DENND5A: variants seen among roughly 807,000 people sequenced by gnomAD.
DENND5A encodes DENN domain containing 5A.
Under a neutral mutation model 140.3 loss-of-function variants are expected in DENND5A, and 64 were observed. The ratio of observed to expected loss-of-function variants is 0.46; its 90% CI spans 0.37 to 0.56. The LOEUF is 0.56. Among genes scored for constraint, DENND5A ranks in the 20% least tolerant of loss-of-function variants. The pLI is 0.00. For synonymous variants in DENND5A, 605 were observed against 607.7 expected, an observed-to-expected ratio of 1.00 and a Z score of 0.07; for missense variants, 1,292 against 1,593.8, an observed-to-expected ratio of 0.81 and a Z score of 3.22.
Position 9,152,393 on chromosome 11 carries a change from T to C in DENND5A, c.2486A>G (p.Gln829Arg). 1 of 1,614,002 alleles carries C rather than the reference T, an allele frequency of 6.2e-7. No homozygotes were observed. The highest frequency in any genetic ancestry group is 1.7e-5 in the Admixed American group (1 of 60,022). Residue 829 changes from glutamine (Q) to arginine (R), a missense_variant, in exon 13 of 23, where the codon CAG becomes CGG. By Grantham distance (43) the Gln-to-Arg change is conservative. Around this residue, in one of 4 missense-constraint regions of DENND5A, gnomAD observed 498 missense variants for 689.7 expected, o/e 0.72. Transcript: ENST00000328194. ...SHLLHYQDNR[Q>R]RKLTSGSLST... is the part of the protein sequence containing the mutation. ...GAGGCTTCCTGATGTGAGTTTTCTC[T>C]GCCGGTTGTCCTGATAATGTAACAG...
At chr11:9,213,132 T>A (rs1351089777) in intron 1 of DENND5A, among the ~76,000 whole-genome samples, 1 of 151,590 alleles carries the variant, frequency 6.6e-6, no homozygotes, top group Non-Finnish European at 1.5e-5. Flanking sequence ...GCCTCCCGAG[T>A]AGCTGGGATT....
At chr11:9,212,862 G>A (rs1019757876) in intron 1 of DENND5A, among the ~76,000 whole-genome samples, 1 of 152,118 alleles carries the variant, frequency 6.6e-6, no homozygotes, top group Non-Finnish European at 1.5e-5. Flanking sequence ...ACAAAGAATG[G>A]TGGGGAAGGG....
chr11:9,252,153 C>T (rs1314115417), intron 1 of DENND5A, among the ~76,000 whole-genome samples: 2 of 147,938 alleles, frequency 1.4e-5, no homozygotes, highest in Non-Finnish European at 3.0e-5. Flanking sequence ...CAAAAATTAG[C>T]TGGGCATGGT....
chr11:9,139,745 T>A lies in DENND5A; in HGVS notation c.3790A>T (p.Ile1264Phe), dbSNP rs1447688366. ...IKDHTLVNSL[I>F]RVLQTLQEFN... ...TCCTGCAATGTCTGCAGCACACGAA[T>A]CAAGGAATTGACAAGTGTATGGTCT... Residue 1264 changes from isoleucine to phenylalanine, a missense_variant, in exon 23 of 23, where the codon ATT (isoleucine) becomes TTT (phenylalanine). Physicochemically the swap from Ile to Phe is conservative, Grantham distance 21. Coordinates refer to ENST00000328194, the MANE Select transcript of DENND5A (RefSeq NM_015213.4). 1 of 1,614,070 alleles carries A rather than the reference T, an allele frequency of 6.2e-7. No individual in the cohort carries two copies. The highest frequency in any genetic ancestry group is 1.7e-5 in the Admixed American group (1 of 60,008).
chr11:9,212,810 A>G (rs1472271379), intron 1 of DENND5A, among the ~76,000 whole-genome samples: 1 of 152,148 alleles, frequency 6.6e-6, no homozygotes, highest in East Asian at 1.9e-4. Context: ...GTATTGTGTG[A>G]TTCCATTTAT....
chr11:9,140,738 T>G (rs192794902), intron 22 of DENND5A, among the ~76,000 whole-genome samples: 16 of 152,332 alleles, frequency 1.1e-4, no homozygotes, highest in Middle Eastern at 3.4e-3. Flanking sequence ...CTGATCTTTC[T>G]CCTCTACCTT....
chr11:9,159,906 C>T (rs1181814205), intron 12 of DENND5A, among the ~76,000 whole-genome samples: 2 of 152,144 alleles, frequency 1.3e-5, no homozygotes, highest in Non-Finnish European at 2.9e-5. Context: ...CAGCTATATA[C>T]GCATGGGCAT....
rs1018857150 is a variant in DENND5A at position 9,193,368 on chromosome 11, G to T, written c.1137+126C>A. 5.9e-6 allele frequency: 4 copies of T among 677,452 alleles called. 1 individual carries two copies. Among genetic ancestry groups the T allele is most frequent in the Non-Finnish European group, 2.3e-6 (1 of 443,176 alleles). The allele number at this position is 677,452 out of a possible 1,614,324, so 42.0% of individuals were successfully genotyped here. ...ATTGTTTTTACTTTTTTCCTGAGAA[G>T]TTATTCATAATCACCAAAATAGAAG... On this transcript the variant is annotated intron_variant, in intron 5 of 22. Transcript: ENST00000328194.
chr11:9,185,194 T>TA (rs1484407893), intron 5 of DENND5A, among the ~76,000 whole-genome samples: 15 of 152,032 alleles, frequency 9.9e-5, no homozygotes, highest in South Asian at 2.1e-4. Context: ...CTGGACCAAT[T>TA]AAAAAAAACC....
intron 3 of DENND5A, among the ~76,000 whole-genome samples, chr11:9,205,261 T>G (rs774224846): frequency 6.6e-6 from 1 of 152,198 alleles, no homozygotes; most frequent in Non-Finnish European, 1.5e-5. Context: ...GAAACTTGGA[T>G]AGTTAAACGA....
At chr11:9,182,736 G>A (rs943665298) in intron 5 of DENND5A, among the ~76,000 whole-genome samples, 1 of 152,162 alleles carries the variant, frequency 6.6e-6, no homozygotes, top group African/African-American at 2.4e-5. Flanking sequence ...GAGAATAGAA[G>A]AGTGGTTACC....
chr11:9,195,979 G>C (rs552700376), intron 4 of DENND5A, among the ~76,000 whole-genome samples: 60 of 152,086 alleles, frequency 3.9e-4, no homozygotes, highest in African/African-American at 1.4e-3. Flanking sequence ...TTGAGACAAA[G>C]TCTCGCTCTG....
intron 1 of DENND5A, among the ~76,000 whole-genome samples, chr11:9,227,230 A>G (rs900205731): frequency 3.3e-5 from 5 of 152,070 alleles, no homozygotes; most frequent in African/African-American, 7.2e-5. Flanking sequence ...GCACAGAGTG[A>G]TATTTTCTCC....
chr11:9,217,200 A>C (rs1303255361), intron 1 of DENND5A, among the ~76,000 whole-genome samples: 2 of 152,178 alleles, frequency 1.3e-5, no homozygotes, highest in Non-Finnish European at 2.9e-5. Flanking sequence ...TTAAGATCAC[A>C]TACTGTATCA....
At chr11:9,163,340 G>A (rs894712869) in intron 11 of DENND5A, among the ~76,000 whole-genome samples, 22 of 152,056 alleles carry the variant, frequency 1.4e-4, no homozygotes, top group African/African-American at 4.6e-4. Context: ...GTTGCCTCAC[G>A]TGCAAGCCAA....
chr11:9,160,955 C>T, intron 11 of DENND5A, 90 bp from the exon 12 acceptor site: 2 of 1,297,964 alleles, frequency 1.5e-6, no homozygotes, highest in South Asian at 2.7e-5. Flanking sequence ...CACAGTACAT[C>T]TGTTGGGCTG....
At chr11:9,226,233 G>A (rs1850523761) in intron 1 of DENND5A, among the ~76,000 whole-genome samples, 1 of 152,128 alleles carries the variant, frequency 6.6e-6, no homozygotes, top group African/African-American at 2.4e-5. Flanking sequence ...TTGAGATTAT[G>A]TCTTCTTGTG....
At position 9,193,564 on chromosome 11, in the gene DENND5A, G is replaced by A; in HGVS notation, c.1067C>T (p.Pro356Leu). ...PASLLHFLDA[P>L]VPYLMGLHSN... The stretch of plus-strand genomic sequence containing the variant: ...ATGCAAACCCATCAGGTATGGAACA[G>A]GAGCATCTAAGAAATGCAGGAGAGA... Residue 356 changes from proline (P) to leucine (L), a missense_variant, in exon 5 of 23, where the codon CCT (proline) becomes CTT (leucine). Physicochemically the swap from Pro to Leu is moderately conservative, Grantham distance 98. Coordinates refer to ENST00000328194, the MANE Select transcript of DENND5A (RefSeq NM_015213.4). 1 of 1,614,066 alleles carries A rather than the reference G, an allele frequency of 6.2e-7. No homozygotes were observed. The highest frequency in any genetic ancestry group is 8.5e-7 in the Non-Finnish European group (1 of 1,180,000).
At position 9,150,517 on chromosome 11, in the gene DENND5A, C is replaced by T. The variant is rs7942933; in HGVS notation, c.2606+163G>A. On this transcript the variant is annotated intron_variant, in intron 14 of 22. Coordinates refer to ENST00000328194, the MANE Select transcript of DENND5A (RefSeq NM_015213.4). ...CCAGGAAACCCAACGGTTTGTACAG[C>T]TTTACAAATGTATTATGAAACACAA... Among the ~76,000 whole-genome samples, 457 of 152,290 alleles carry T rather than the reference C, an allele frequency of 3.0e-3. 1 individual carries two copies. Among genetic ancestry groups the T allele is most frequent in the African/African-American group, 0.01 (432 of 41,550 alleles).
Sources: gnomAD v4.1 joint callset for allele counts (sites outside exome capture counted in the v4.1 genomes callset) on GRCh38, gnomAD v4.1.1 for gene constraint, gnomAD v4.1.1 regional missense constraint, MANE v1.5 for transcripts, NCBI Gene and HGNC (gene_info 2026-07-23, HGNC 2026-07-21) for gene names.